Variants in PAX8 observed in about 807,000 individuals in gnomAD.
PAX8 encodes the protein paired box protein Pax-8.
PAX8 carries 15 observed loss-of-function variants against 52.4 expected under a neutral mutation model. That is an observed-to-expected ratio of 0.29 (90% CI 0.19 to 0.44). PAX8 has a LOEUF of 0.44. PAX8 is among the 20% of genes least tolerant of loss of function. PAX8 has a pLI of 1.00. For missense variants in PAX8, 554 were observed against 602.5 expected (o/e 0.92, Z 0.84); for synonymous variants, 284 against 249.7 (o/e 1.14, Z -1.29).
Position 113,216,024 on chromosome 2 carries a change from C to T in PAX8, c.*2509G>A, listed in dbSNP as rs947996489. 24 of 215,942 alleles carry T rather than the reference C, an allele frequency of 1.1e-4. No individual in the cohort carries two copies. Among genetic ancestry groups the T allele is most frequent in the Non-Finnish European group, 2.1e-4 (23 of 107,184 alleles). The allele number at this position is 215,942 out of a possible 1,614,324, so 13.4% of individuals were successfully genotyped here. On this transcript the variant is annotated 3_prime_UTR_variant, in exon 12 of 12. Transcript: ENST00000429538. ...ACCTTAGTCAAAGCACAGCCCAAGC[C>T]CCTTTATTGGTTGTGAGTTGGAAAG...
chr2:113,244,582 GC>G lies in PAX8; in HGVS notation c.233del (p.Gly78AlafsTer76), dbSNP rs762319895. On this transcript the variant is annotated frameshift_variant, in exon 4 of 12. Coordinates refer to ENST00000429538, the MANE Select transcript of PAX8 (RefSeq NM_003466.4). LOFTEE classifies it high-confidence loss of function. ...TGSIRPGVIG[G>X]SKPKVATPKV... ...TGGGGGTGGCCACCTTGGGCTTGGA[GC>G]CCCCTATCACTCCAGGCCGGATGCT... 1 of 1,614,158 alleles carries G rather than the reference GC, an allele frequency of 6.2e-7. No individual in the cohort carries two copies. Among genetic ancestry groups the G allele is most frequent in the Admixed American group, 1.7e-5 (1 of 60,030 alleles).
intron 7 of PAX8, chr2:113,239,286 T>G (rs1690625219): frequency 6.6e-6 from 1 of 152,292 alleles, no homozygotes; most frequent in Non-Finnish European, 1.5e-5. Flanking sequence ...CAGGCTGGTC[T>G]CAAACTCCTG....
intron 3 of PAX8, among the ~76,000 whole-genome samples, chr2:113,245,093 C>G (rs1212281559): frequency 6.6e-6 from 1 of 151,182 alleles, no homozygotes. Context: ...GTCACCCAGG[C>G]TAGAATGCAA....
intron 10 of PAX8, chr2:113,226,586 T>A (rs1689585757): frequency 9.5e-7 from 1 of 1,048,042 alleles, no homozygotes; most frequent in African/African-American, 1.7e-5. Flanking sequence ...ATAGTACTCT[T>A]AGAGTACCTA....
intron 9 of PAX8, among the ~76,000 whole-genome samples, chr2:113,227,531 G>A (rs1017756216): frequency 6.6e-6 from 1 of 152,216 alleles, no homozygotes; most frequent in Non-Finnish European, 1.5e-5. Context: ...TTACGTGATT[G>A]TTATCTTATT....
At chr2:113,222,380 C>A (rs1448840257) in intron 10 of PAX8, among the ~76,000 whole-genome samples, 1 of 152,214 alleles carries the variant, frequency 6.6e-6, no homozygotes, top group Non-Finnish European at 1.5e-5. Context: ...CACTCACTCA[C>A]CCACTTATTT....
chr2:113,242,124 C>G lies in PAX8; in HGVS notation c.485G>C (p.Ser162Thr). 1.2e-6 allele frequency: 2 copies of G among 1,611,434 alleles called. No individual in the cohort carries two copies. The highest frequency in any genetic ancestry group is 1.7e-6 in the Non-Finnish European group (2 of 1,178,236). ...TGACTCCGGGGGAGTTACAGCTGAG[C>G]TGGGGACTGCAGTGGGGGAGAGGGA... ...SLSPGHTLIP[S>T]SAVTPPESPQ... is the part of the protein sequence containing the mutation. The change falls in exon 6 of 12, where the codon AGC becomes ACC. Residue 162 changes from serine (S) to threonine (T), a missense_variant. Around this residue, in one of 2 missense-constraint regions of PAX8, gnomAD observed 445 missense variants for 409.9 expected, o/e 1.09. Coordinates refer to ENST00000429538, the MANE Select transcript of PAX8 (RefSeq NM_003466.4).
At chr2:113,250,193 C>T (rs1451150519) in intron 2 of PAX8, among the ~76,000 whole-genome samples, 2 of 143,686 alleles carry the variant, frequency 1.4e-5, no homozygotes, top group African/African-American at 5.2e-5. Flanking sequence ...CATGAACCCG[C>T]AAGGCAGAGC....
intron 2 of PAX8, chr2:113,268,810 G>A (rs1427073230): frequency 6.6e-6 from 1 of 152,390 alleles, no homozygotes; most frequent in African/African-American, 2.4e-5. Flanking sequence ...GCCAGGCCCT[G>A]AGGAAAGGAG....
intron 7 of PAX8, chr2:113,238,627 GC>G (rs1690561827): frequency 6.6e-6 from 1 of 152,140 alleles, no homozygotes; most frequent in Non-Finnish European, 1.5e-5. Flanking sequence ...TTGAATCGGG[GC>G]AGAGCAGCAC....
At chr2:113,248,974 A>G (rs1691548874) in intron 2 of PAX8, among the ~76,000 whole-genome samples, 1 of 149,618 alleles carries the variant, frequency 6.7e-6, no homozygotes, top group Non-Finnish European at 1.5e-5. Context: ...CAAAAAAAAG[A>G]AAAAAAAGGG....
intron 2 of PAX8, chr2:113,270,719 C>T (rs1163440934): frequency 6.6e-6 from 1 of 152,238 alleles, no homozygotes; most frequent in African/African-American, 2.4e-5. Context: ...GCTCCTGGAC[C>T]CTTCTGCTGT....
At chr2:113,242,235 G>A (rs962148664) in intron 5 of PAX8, 105 bp from the exon 6 acceptor site, 1 of 926,576 alleles carries the variant, frequency 1.1e-6, no homozygotes, top group South Asian at 1.5e-5. Context: ...CAGGGGCTGG[G>A]GGAGAGGGAG....
chr2:113,226,651 A>G lies in PAX8; in HGVS notation c.1189+504T>C. 4.6e-6 allele frequency: 5 copies of G among 1,090,612 alleles called. No individual in the cohort carries two copies. In the South Asian group the frequency reaches 1.3e-4, roughly 29 times the overall value. 67.6% of individuals were successfully genotyped at this position (1,090,612 alleles called of 1,614,324 possible). A position where few individuals can be genotyped will look rare whatever the true frequency, so the allele number is the denominator to read the frequency against. ...GAGAGAGATGTGAAGCATATATTTC[A>G]TCATCATCATCGTCATCGTCATCAT... is the stretch of plus-strand genomic sequence containing the variant. On this transcript the variant is annotated intron_variant, in intron 10 of 11. Transcript: ENST00000429538.
chr2:113,248,490 C>T (rs985326256), intron 2 of PAX8, among the ~76,000 whole-genome samples: 2 of 152,198 alleles, frequency 1.3e-5, no homozygotes, highest in Admixed American at 6.5e-5. Flanking sequence ...GAAGAGCCAA[C>T]CCCAGCCTTC....
chr2:113,251,118 A>G (rs1182117933), intron 2 of PAX8, among the ~76,000 whole-genome samples: 2 of 152,192 alleles, frequency 1.3e-5, no homozygotes, highest in African/African-American at 2.4e-5. Context: ...GATGGCCCCT[A>G]TGGTTTGAAG....
chr2:113,223,444 T>G (rs1444417463), intron 10 of PAX8, among the ~76,000 whole-genome samples: 2 of 152,230 alleles, frequency 1.3e-5, no homozygotes, highest in Non-Finnish European at 2.9e-5. Flanking sequence ...CTGGTCTTTG[T>G]GCTTTCTCTC....
At chr2:113,245,660 G>A (rs11886472) in intron 3 of PAX8, among the ~76,000 whole-genome samples, 15,676 of 152,102 alleles carry the variant, frequency 0.1, 1,116 homozygotes, top group Middle Eastern at 0.2. Flanking sequence ...AACCGCCTGT[G>A]TCAGCATATC....
At chr2:113,273,499 G>C (rs748904279) in intron 2 of PAX8, 15 of 152,218 alleles carry the variant, frequency 9.9e-5, no homozygotes, top group Non-Finnish European at 2.2e-4. Flanking sequence ...TTGCATTCAA[G>C]CTCTCTGTGT....
Sources: gnomAD v4.1 joint callset for allele counts (sites outside exome capture counted in the v4.1 genomes callset) on GRCh38, gnomAD v4.1.1 for gene constraint, gnomAD v4.1.1 regional missense constraint, MANE v1.5 for transcripts, NCBI Gene and HGNC (gene_info 2026-07-23, HGNC 2026-07-21) for gene names.